The following NTM variants were observed in gnomAD, a reference collection of about 807,000 sequenced individuals.
NTM encodes the protein neurotrimin, also known as IgLON family member 2.
In NTM, 13 loss-of-function variants were observed where a neutral mutation model predicts 42.1. The ratio of observed to expected loss-of-function variants is 0.31; its 90% CI spans 0.20 to 0.49. The LOEUF (loss-of-function observed/expected upper bound fraction) is 0.49, where lower values mean the gene tolerates loss of function less well. NTM is among the 20% of genes least tolerant of loss of function. The pLI is 0.99. For missense variants in NTM, 373 were observed against 452.8 expected, an observed-to-expected ratio of 0.82 and a Z score of 1.60; for synonymous variants, 187 against 179.2, an observed-to-expected ratio of 1.04 and a Z score of -0.35.
intron 2 of NTM, among the ~76,000 whole-genome samples, chr11:131,987,790 C>G (rs943682235): frequency 1.3e-5 from 2 of 152,222 alleles, no homozygotes; most frequent in African/African-American, 4.8e-5. Context: ...GTGTGGCTTT[C>G]TTCATTTGAA....
At chr11:131,589,764 A>G (rs993354923) in intron 1 of NTM, among the ~76,000 whole-genome samples, 2 of 152,132 alleles carry the variant, frequency 1.3e-5, no homozygotes, top group African/African-American at 4.8e-5. Context: ...GCCTGGCCTC[A>G]CTGCTGAGGA....
intron 2 of NTM, among the ~76,000 whole-genome samples, chr11:132,046,995 C>G (rs1443721637): frequency 6.6e-6 from 1 of 152,210 alleles, no homozygotes; most frequent in Non-Finnish European, 1.5e-5. Context: ...CTAGGAATTT[C>G]AAAGTTAATC....
At chr11:131,375,205 C>T (rs1323160253) in intron 1 of NTM, among the ~76,000 whole-genome samples, 1 of 152,110 alleles carries the variant, frequency 6.6e-6, no homozygotes, top group Non-Finnish European at 1.5e-5. Context: ...TATCTCCCCA[C>T]CTGCCCACCA....
chr11:131,898,077 G>A (rs1217716907), intron 1 of NTM, among the ~76,000 whole-genome samples: 1 of 152,244 alleles, frequency 6.6e-6, no homozygotes, highest in Non-Finnish European at 1.5e-5. Context: ...GAGGTCGTAA[G>A]TGGGATGTTG....
chr11:131,742,102 C>T (rs928235791), intron 1 of NTM, among the ~76,000 whole-genome samples: 1 of 152,106 alleles, frequency 6.6e-6, no homozygotes, highest in South Asian at 2.1e-4. Context: ...GGGTGAGGAC[C>T]AGGAAAAATA....
intron 2 of NTM, among the ~76,000 whole-genome samples, chr11:132,115,568 G>C (rs2063767551): frequency 6.6e-6 from 1 of 152,166 alleles, no homozygotes; most frequent in Admixed American, 6.5e-5. Flanking sequence ...AGAGGAATTT[G>C]GGAAAGAGGA....
chr11:132,094,352 C>T (rs2060713077), intron 2 of NTM, among the ~76,000 whole-genome samples: 1 of 152,158 alleles, frequency 6.6e-6, no homozygotes, highest in Admixed American at 6.5e-5. Context: ...GGGCACCTTG[C>T]TCTTGTGGGC....
chr11:131,509,268 C>T (rs1354497182), intron 1 of NTM, among the ~76,000 whole-genome samples: 1 of 152,046 alleles, frequency 6.6e-6, no homozygotes, highest in African/African-American at 2.4e-5. Context: ...TAGAGGTTTC[C>T]CCAAAGACCA....
chr11:132,064,866 A>G (rs2081207490), intron 2 of NTM, among the ~76,000 whole-genome samples: 1 of 152,148 alleles, frequency 6.6e-6, no homozygotes, highest in Non-Finnish European at 1.5e-5. Context: ...ATTTCAAACA[A>G]CCACTGCATT....
intron 1 of NTM, among the ~76,000 whole-genome samples, chr11:131,548,816 A>G (rs1031513179): frequency 6.6e-6 from 1 of 152,198 alleles, no homozygotes; most frequent in Non-Finnish European, 1.5e-5. Context: ...AACTTCCACT[A>G]TGAACCAAAT....
intron 1 of NTM, among the ~76,000 whole-genome samples, chr11:131,729,363 G>T (rs1054773245): frequency 4.6e-5 from 7 of 152,100 alleles, no homozygotes; most frequent in Non-Finnish European, 1.0e-4. Context: ...AATGAAGATG[G>T]GATGTCGAAA....
intron 1 of NTM, chr11:131,536,546 TAC>T (rs1300199822): frequency 1.3e-5 from 2 of 152,224 alleles, no homozygotes; most frequent in African/African-American, 4.8e-5. Flanking sequence ...GAAAGATTTT[TAC>T]AGTTAAGACC....
At chr11:132,043,845 A>G (rs1267900655) in intron 2 of NTM, among the ~76,000 whole-genome samples, 1 of 152,206 alleles carries the variant, frequency 6.6e-6, no homozygotes, top group Non-Finnish European at 1.5e-5. Context: ...GAAATATATC[A>G]TCTGGAAAAT....
At chr11:131,680,108 GA>G (rs1231381913) in intron 1 of NTM, among the ~76,000 whole-genome samples, 5 of 152,090 alleles carry the variant, frequency 3.3e-5, no homozygotes, top group Non-Finnish European at 7.3e-5. Flanking sequence ...TGTGAACCCA[GA>G]CAAAGACAGT....
At chr11:132,110,674 AAC>A (rs1370884920) in intron 2 of NTM, among the ~76,000 whole-genome samples, 2 of 152,166 alleles carry the variant, frequency 1.3e-5, no homozygotes, top group African/African-American at 4.8e-5. Context: ...TCAATGAATC[AAC>A]ACAGAGTTTT....
chr11:132,005,074 A>T (rs2135352165), intron 2 of NTM, among the ~76,000 whole-genome samples: 1 of 152,256 alleles, frequency 6.6e-6, no homozygotes, highest in Non-Finnish European at 1.5e-5. Flanking sequence ...GGGATGGTAA[A>T]GGGGCAGAGG....
At chr11:131,473,679 A>G (rs1014614894) in intron 1 of NTM, among the ~76,000 whole-genome samples, 8 of 152,180 alleles carry the variant, frequency 5.3e-5, no homozygotes, top group Non-Finnish European at 1.2e-4. Flanking sequence ...CATCCCAGGT[A>G]TAACAGCTCC....
At chr11:131,997,853 G>A (rs1444485168) in intron 2 of NTM, among the ~76,000 whole-genome samples, 1 of 152,116 alleles carries the variant, frequency 6.6e-6, no homozygotes, top group Non-Finnish European at 1.5e-5. Flanking sequence ...ATTGTGTGTG[G>A]TGAATAGTAC....
intron 1 of NTM, among the ~76,000 whole-genome samples, chr11:131,807,514 C>T (rs532526218): frequency 2.0e-5 from 3 of 152,316 alleles, no homozygotes; most frequent in Non-Finnish European, 4.4e-5. Context: ...TGTGTCTTTA[C>T]GCAAGTTAAT....
Sources: gnomAD v4.1 joint callset for allele counts (sites outside exome capture counted in the v4.1 genomes callset) on GRCh38, gnomAD v4.1.1 for gene constraint, MANE v1.5 for transcripts, NCBI Gene and HGNC (gene_info 2026-07-23, HGNC 2026-07-21) for gene names.